Variants in COMP observed in about 807,000 individuals in gnomAD.
The protein encoded by COMP is cartilage oligomeric matrix protein (pseudoachondroplasia, epiphyseal dysplasia 1, multiple).
Under a neutral mutation model 95.8 loss-of-function variants are expected in COMP, and 79 were observed. The ratio of observed to expected loss-of-function variants is 0.82; its 90% CI spans 0.69 to 0.99. The LOEUF (loss-of-function observed/expected upper bound fraction) is 0.99. COMP is among the 50% of genes least tolerant of loss of function. The pLI, the probability that COMP is intolerant of heterozygous loss-of-function variation, is 0.00. For synonymous variants in COMP, 438 were observed against 433.9 expected (o/e 1.01, Z -0.12); for missense variants, 906 against 1,076.1 (o/e 0.84, Z 2.21).
At position 18,786,237 on chromosome 19, in the gene COMP, A is replaced by G; in HGVS notation, c.1307+2T>C. 1.9e-6 allele frequency: 3 copies of G among 1,614,048 alleles called. No homozygotes were observed. The highest frequency in any genetic ancestry group is 2.5e-6 in the Non-Finnish European group (3 of 1,180,026). On this transcript the variant is annotated splice_donor_variant, in intron 12 of 18. Transcript: ENST00000222271. LOFTEE classifies it high-confidence loss of function. ...GACGCCCACCCCAGGTGGCCTCCTT[A>G]CTGGTCTTGATCGCTGTCACAAGCA...
At chr19:18,783,841 C>T (rs543254503) in intron 17 of COMP, among the ~76,000 whole-genome samples, 41 of 152,282 alleles carry the variant, frequency 2.7e-4, no homozygotes, top group African/African-American at 9.6e-4. Context: ...AACTCCGGAC[C>T]TCAGGTGATC....
intron 3 of COMP, 26 bp downstream of exon 3, chr19:18,790,536 T>C: frequency 6.2e-7 from 1 of 1,613,088 alleles, no homozygotes; most frequent in Non-Finnish European, 8.5e-7. Context: ...GTCTCTTCTC[T>C]CTCCCGACCG....
chr19:18,790,262 A>T, intron 3 of COMP, 148 bp from the exon 4 acceptor site: 1 of 581,834 alleles, frequency 1.7e-6, no homozygotes, highest in Non-Finnish European at 2.8e-6. Flanking sequence ...GCTGTCCGCG[A>T]TCCCGCCCCA....
In COMP at chr19:18,785,732, C is replaced by G. The variant is rs2055161085; in HGVS notation, c.1609G>C (p.Val537Leu). The change falls in exon 14 of 19, where the codon GTC becomes CTC. Residue 537 changes from valine to leucine, a missense_variant. Coordinates refer to ENST00000222271, the MANE Select transcript of COMP (RefSeq NM_000095.3). ...TLTDFRAFQT[V>L]VLDPEGDAQI... The stretch of plus-strand genomic sequence containing the variant: ...GCGTCACCCTCCGGGTCCAGCACGA[C>G]TGTCTGGAAGGCCCTGAAGTCGGTG... The G allele has an allele frequency of 6.2e-7, 1 of 1,613,438 alleles. No individual in the cohort carries two copies. Among genetic ancestry groups the G allele is most frequent in the Admixed American group, 1.7e-5 (1 of 60,008 alleles).
Position 18,789,396 on chromosome 19 carries a change from T to C in COMP, c.391-99A>G, listed in dbSNP as rs946380440. 9.6e-6 allele frequency: 12 copies of C among 1,244,210 alleles called. 1 individual carries two copies. The East Asian group carries it at 1.3e-4, about 14-fold the overall frequency. 77.1% of individuals were successfully genotyped at this position (1,244,210 alleles called of 1,614,324 possible). ...GGATGTGGAAAGTTCAAGGGCCATA[T>C]GCCAGTGCTTGGAGCTCTGAGATGG... On this transcript the variant is annotated intron_variant, in intron 4 of 18. Coordinates refer to ENST00000222271, the MANE Select transcript of COMP (RefSeq NM_000095.3). The surrounding 1 kb of genome is among the most constrained non-coding windows in gnomAD (Gnocchi z 6.1).
chr19:18,787,421 G>T (rs921381347), intron 10 of COMP, 70 bp downstream of exon 10: 12 of 1,593,116 alleles, frequency 7.5e-6, no homozygotes, highest in Non-Finnish European at 1.0e-5. Flanking sequence ...GCCAAGCCCC[G>T]CCCCGGAGCC....
At position 18,789,907 on chromosome 19, in the gene COMP, G is replaced by A; in HGVS notation, c.390+35C>T. The A allele has an allele frequency of 1.3e-6, 2 of 1,593,236 alleles. No homozygotes were observed. Among genetic ancestry groups the A allele is most frequent in the Non-Finnish European group, 1.7e-6 (2 of 1,177,810 alleles). On this transcript the variant is annotated intron_variant, in intron 4 of 18. Transcript: ENST00000222271. The surrounding 1 kb of genome is among the most constrained non-coding windows in gnomAD (Gnocchi z 6.1). ...GAGAGATTGGGGGGCGGTAGAGGGAGTCGTCAGGGCGGTGGAGTGTCGGGG... is the reference window on the plus strand; with the variant it reads ...GAGAGATTGGGGGGCGGTAGAGGGAATCGTCAGGGCGGTGGAGTGTCGGGG...
chr19:18,786,253 G>A lies in COMP; in HGVS notation c.1293C>T (p.Asp431=). 1 of 1,614,044 alleles carries A rather than the reference G, an allele frequency of 6.2e-7. No individual in the cohort carries two copies. Among genetic ancestry groups the A allele is most frequent in the Non-Finnish European group, 8.5e-7 (1 of 1,180,036 alleles). Residue 431 remains aspartate (D), a synonymous_variant, in exon 12 of 19, where the codon GAC becomes GAT. Transcript: ENST00000222271. ...GGCCTCCTTACTGGTCTTGATCGCTGTCACAAGCATCTCCCACAAAGTCGT... is the reference window on the plus strand; with the variant it reads ...GGCCTCCTTACTGGTCTTGATCGCTATCACAAGCATCTCCCACAAAGTCGT... ...VDHDFVGDAC[D]SDQDQDGDGH...
At chr19:18,786,727 A>T in intron 10 of COMP, 77 bp from the exon 11 acceptor site, 8 of 677,094 alleles carry the variant, frequency 1.2e-5, no homozygotes, top group African/African-American at 2.1e-5. Flanking sequence ...GGCCAGCCTG[A>T]GGCTGGCCTG....
At chr19:18,783,868 C>T (rs2055144913) in intron 17 of COMP, among the ~76,000 whole-genome samples, 1 of 152,174 alleles carries the variant, frequency 6.6e-6, no homozygotes, top group African/African-American at 2.4e-5. Flanking sequence ...CCTCGGCCTC[C>T]CAAAGTACTG....
In COMP at chr19:18,789,212, C is replaced by T. The variant is rs2055192434; in HGVS notation, c.476G>A (p.Ser159Asn). The T allele has an allele frequency of 6.5e-7, 1 of 1,544,278 alleles. No individual in the cohort carries two copies. The highest frequency in any genetic ancestry group is 1.4e-5 in the African/African-American group (1 of 71,936). ...FRCEACPPGY[S>N]GPTHQGVGLA... ...CCCCACGCCCTGGTGGGTGGGGCCG[C>T]TGTACCCCGGCGGGCAAGCCTCGCA... Residue 159 changes from serine to asparagine, a missense_variant, in exon 5 of 19, where the codon AGC (serine) becomes AAC (asparagine). Coordinates refer to ENST00000222271, the MANE Select transcript of COMP (RefSeq NM_000095.3). This position sits in a 1 kb window ranked among gnomAD's most constrained non-coding sequence, Gnocchi z 6.1.
In COMP at chr19:18,790,081, C is replaced by A; in HGVS notation, c.251G>T (p.Ser84Ile). The change falls in exon 4 of 19, where the codon AGC becomes ATC. Residue 84 changes from serine (S) to isoleucine (I), a missense_variant. Ser to Ile is a moderately radical substitution (Grantham distance 142). Coordinates refer to ENST00000222271, the MANE Select transcript of COMP (RefSeq NM_000095.3). Reference sequence around the variant, plus strand: ...CGCGCAGTGGAGCAGGGGCCGCACGCTGGGTAGGCCGGTGCGTACTGACTG... The same window carrying A: ...CGCGCAGTGGAGCAGGGGCCGCACGATGGGTAGGCCGGTGCGTACTGACTG... The part of the protein sequence containing the change: ...MQQSVRTGLP[S>I]VRPLLHCAPG... 1.3e-6 allele frequency: 2 copies of A among 1,543,188 alleles called. No individual in the cohort carries two copies. Among genetic ancestry groups the A allele is most frequent in the Non-Finnish European group, 1.7e-6 (2 of 1,148,410 alleles).
rs772420147 is a variant in COMP at position 18,785,723 on chromosome 19, C to A, written c.1618G>T (p.Asp540Tyr). Residue 540 changes from aspartate to tyrosine, a missense_variant, in exon 14 of 19, where the codon GAC becomes TAC. Asp to Tyr is a radical substitution (Grantham distance 160, BLOSUM62 -3). Transcript: ENST00000222271. ...TCAATCTGCGCGTCACCCTCCGGGT[C>A]CAGCACGACTGTCTGGAAGGCCCTG... The part of the protein sequence containing the change: ...DFRAFQTVVL[D>Y]PEGDAQIDPN... 1 of 1,613,528 alleles carries A rather than the reference C, an allele frequency of 6.2e-7. No individual in the cohort carries two copies. Among genetic ancestry groups the A allele is most frequent in the South Asian group, 1.1e-5 (1 of 91,090 alleles).
rs2055200573 is a variant in COMP, at chr19:18,790,030, G to A, written c.302C>T (p.Ala101Val). 6.3e-7 allele frequency: 1 copy of A among 1,576,716 alleles called. No individual in the cohort carries two copies. Among genetic ancestry groups the A allele is most frequent in the Non-Finnish European group, 8.6e-7 (1 of 1,167,932 alleles). Residue 101 changes from alanine to valine, a missense_variant, in exon 4 of 19, where the codon GCC (alanine) becomes GTC (valine). Physicochemically the swap from Ala to Val is moderately conservative, Grantham distance 64. Transcript: ENST00000222271. Reference sequence around the variant, plus strand: ...CGCGCCGCTCTCCGTCTGGATGCAGGCCACGCCGGGGAAGCAGAAGCCGGG... The same window carrying A: ...CGCGCCGCTCTCCGTCTGGATGCAGACCACGCCGGGGAAGCAGAAGCCGGG... ...CAPGFCFPGV[A>V]CIQTESGARC...
chr19:18,787,596 A>T lies in COMP; in HGVS notation c.1030T>A (p.Trp344Arg). 6.2e-7 allele frequency: 1 copy of T among 1,613,670 alleles called. No homozygotes were observed. The highest frequency in any genetic ancestry group is 8.5e-7 in the Non-Finnish European group (1 of 1,179,978). The change falls in exon 10 of 19, where the codon TGG (tryptophan) becomes AGG (arginine). Residue 344 changes from tryptophan to arginine, a missense_variant. By Grantham distance (101) the Trp-to-Arg change is moderately radical. Coordinates refer to ENST00000222271, the MANE Select transcript of COMP (RefSeq NM_000095.3). ...CGGCAGTTGTCGCACGCATCGCCCC[A>T]CTTGTCCTCGTCCGTGTTGCGCTGG... ...PDQRNTDEDK[W>R]GDACDNCRSQ...
In COMP at chr19:18,791,257, T is replaced by A; in HGVS notation, c.13A>T (p.Thr5Ser). The A allele has an allele frequency of 6.3e-7, 1 of 1,596,514 alleles. No individual in the cohort carries two copies. Among genetic ancestry groups the A allele is most frequent in the Non-Finnish European group, 8.5e-7 (1 of 1,173,218 alleles). MVPD[T>S]ACVLLLTLAA... ...AGGGTGAGCAGAAGAACGCAGGCGG[T>A]GTCGGGGACCATGGCGGTGGCGGGG... Residue 5 changes from threonine (T) to serine (S), a missense_variant, in exon 1 of 19, where the codon ACC becomes TCC. By Grantham distance (58) the Thr-to-Ser change is moderately conservative. Coordinates refer to ENST00000222271, the MANE Select transcript of COMP (RefSeq NM_000095.3).
chr19:18,786,983 G>A (rs2055172405), intron 10 of COMP: 1 of 345,438 alleles, frequency 2.9e-6, no homozygotes, highest in Non-Finnish European at 5.5e-6. Context: ...ATGTTGGTCA[G>A]TCTGGTCTCG....
chr19:18,790,517 C>G, intron 3 of COMP, 45 bp downstream of exon 3: 2 of 1,610,264 alleles, frequency 1.2e-6, no homozygotes, highest in African/African-American at 1.3e-5. Flanking sequence ...CTCTGTGTCT[C>G]TGTCTCCCGT....
intron 15 of COMP, 74 bp downstream of exon 15, chr19:18,785,424 C>G: frequency 6.3e-7 from 1 of 1,588,286 alleles, no homozygotes; most frequent in Non-Finnish European, 8.6e-7. Flanking sequence ...ATTCTCAGCC[C>G]GGGCCTGCCC....
Sources: gnomAD v4.1 joint callset for allele counts (sites outside exome capture counted in the v4.1 genomes callset) on GRCh38, gnomAD v4.1.1 for gene constraint, Gnocchi (gnomAD v3.1) non-coding constraint, MANE v1.5 for transcripts, NCBI Gene and HGNC (gene_info 2026-07-23, HGNC 2026-07-21) for gene names.